Variants in RNF17 observed in about 807,000 individuals in gnomAD.
RNF17 encodes ring finger protein 17.
A neutral mutation model predicts 200.5 loss-of-function variants in RNF17; 31 were observed. That is an observed-to-expected ratio of 0.15 (90% CI 0.12 to 0.21). The LOEUF (loss-of-function observed/expected upper bound fraction) is 0.21, where lower values mean the gene tolerates loss of function less well. Ranked by LOEUF, RNF17 falls within the 10% of genes least tolerant of loss-of-function variation. The pLI, the probability that RNF17 is intolerant of heterozygous loss-of-function variation, is 1.00. For synonymous variants in RNF17, 606 were observed against 637.8 expected (o/e 0.95, Z 0.75); for missense variants, 1,628 against 1,905.1 (o/e 0.85, Z 2.71).
At chr13:24,884,083 T>A (rs121434311), downstream of RNF17, 2 of 1,578,322 alleles carry the variant, frequency 1.3e-6, no homozygotes, top group Admixed American at 1.8e-5. Flanking sequence ...GTAATGTTTT[T>A]CTGTTTAAAA....
the RNF17 span, among the ~76,000 whole-genome samples, chr13:24,748,639 A>C: frequency 6.6e-6 from 1 of 152,254 alleles, no homozygotes; most frequent in African/African-American, 2.4e-5. Context: ...GATACAGGAT[A>C]AAACATATCC....
In RNF17 at chr13:24,874,265, C is replaced by T. The variant is rs749017473; in HGVS notation, c.4583+16C>T. 9.1e-5 allele frequency: 140 copies of T among 1,545,458 alleles called. No individual in the cohort carries two copies. The highest frequency in any genetic ancestry group is 5.4e-4 in the Admixed American group (24 of 44,302). On this transcript the variant is annotated intron_variant, in intron 33 of 35. Coordinates refer to ENST00000255324, the MANE Select transcript of RNF17 (RefSeq NM_031277.3). ...CATTAAACAGGTTAAAAATAAATGTCGGGGTGTTGAATTAGATTTCTTTTT... is the reference window on the plus strand; with the variant it reads ...CATTAAACAGGTTAAAAATAAATGTTGGGGTGTTGAATTAGATTTCTTTTT...
At chr13:24,751,439 C>T in the RNF17 span, 62 of 151,848 alleles carry the variant, frequency 4.1e-4, no homozygotes, top group African/African-American at 1.4e-3. Flanking sequence ...GATGTTTATA[C>T]GTCCTTTCTT....
At position 24,778,235 on chromosome 13, in the gene RNF17, C is replaced by G. The variant is rs969924040; in HGVS notation, c.318-60C>G. The G allele has an allele frequency of 1.7e-5, 20 of 1,166,874 alleles. No individual in the cohort carries two copies. The African/African-American group carries it at 3.1e-4, about 18-fold the overall frequency. 72.3% of individuals were successfully genotyped at this position (1,166,874 alleles called of 1,614,324 possible). A position where few individuals can be genotyped will look rare whatever the true frequency, so the allele number is the denominator to read the frequency against. ...CATGATGGTGCCACTGCACTCTGGC[C>G]TGGGTGACAGAGAAAGATCCTGTCA... is the stretch of plus-strand genomic sequence containing the variant. On this transcript the variant is annotated intron_variant, in intron 3 of 35. Transcript: ENST00000255324.
At chr13:24,830,394 A>G in intron 16 of RNF17, 90 bp from the exon 17 acceptor site, 1 of 716,352 alleles carries the variant, frequency 1.4e-6, no homozygotes, top group Non-Finnish European at 2.4e-6. Context: ...AGCTAAAAGT[A>G]TTCTAATCTA....
At chr13:24,823,685 G>C (rs1486793568) in intron 15 of RNF17, among the ~76,000 whole-genome samples, 1 of 152,152 alleles carries the variant, frequency 6.6e-6, no homozygotes, top group Admixed American at 6.5e-5. Flanking sequence ...TTCTGGGCAT[G>C]CATCTTGTCA....
rs149254007 is a variant in RNF17 at position 24,825,662 on chromosome 13, A to T, written c.2135A>T (p.Glu712Val). Residue 712 changes from glutamate to valine, a missense_variant, in exon 16 of 36, where the codon GAA becomes GTA. Glu to Val is a moderately radical substitution (Grantham distance 121, BLOSUM62 -2). Around this residue, in one of 5 missense-constraint regions of RNF17, gnomAD observed 289 missense variants for 384.9 expected, o/e 0.75. Coordinates refer to ENST00000255324, the MANE Select transcript of RNF17 (RefSeq NM_031277.3). ...TTATTTCTATTAAAGACAATCGAGGAATTCTATAAAAGTGAAGATGGAGAA... is the reference window on the plus strand; with the variant it reads ...TTATTTCTATTAAAGACAATCGAGGTATTCTATAAAAGTGAAGATGGAGAA... ...DILFLLKTIEEFYKSEDGENL... is the reference protein window; with the variant it reads ...DILFLLKTIEVFYKSEDGENL... 7 of 1,606,058 alleles carry T rather than the reference A, an allele frequency of 4.4e-6. No individual in the cohort carries two copies. The Middle Eastern group carries it at 6.6e-4, about 151-fold the overall frequency.
At position 24,782,357 on chromosome 13, in the gene RNF17, TTTG is replaced by T. The variant is rs573842534; in HGVS notation, c.611+425_611+427del. Among the ~76,000 whole-genome samples the T allele has an allele frequency of 4.2e-4, 64 of 152,098 alleles. No individual in the cohort carries two copies. In the East Asian group the frequency reaches 8.1e-3, roughly 19 times the overall value. On this transcript the variant is annotated intron_variant, in intron 6 of 35. Coordinates refer to ENST00000255324, the MANE Select transcript of RNF17 (RefSeq NM_031277.3). Reference sequence around the variant, plus strand: ...CATCCAGCTAATTTTGTGTTTTTTTTTTGTTGTTGTTGTTTTGTTTTCCGAGAC... The same window carrying T: ...CATCCAGCTAATTTTGTGTTTTTTTTTTGTTGTTGTTTTGTTTTCCGAGAC...
intron 15 of RNF17, among the ~76,000 whole-genome samples, chr13:24,819,397 G>A (rs573798261): frequency 5.1e-4 from 78 of 152,128 alleles, no homozygotes; most frequent in African/African-American, 1.8e-3. Context: ...TTCTTTGTAT[G>A]TATATACTGC....
intron 15 of RNF17, among the ~76,000 whole-genome samples, chr13:24,821,284 A>G (rs1247246626): frequency 6.6e-6 from 1 of 152,196 alleles, no homozygotes; most frequent in East Asian, 1.9e-4. Context: ...AAGAACCTGT[A>G]TCGAAATTAG....
chr13:24,813,844 T>A (rs1363039023), intron 15 of RNF17, among the ~76,000 whole-genome samples: 4 of 104,612 alleles, frequency 3.8e-5, no homozygotes, highest in South Asian at 3.7e-4. Context: ...TTTTTTTTTT[T>A]AGAGACAGGT....
chr13:24,868,549 A>G lies in RNF17; in HGVS notation c.4162-51A>G, dbSNP rs375049084. On this transcript the variant is annotated intron_variant, in intron 30 of 35. Coordinates refer to ENST00000255324, the MANE Select transcript of RNF17 (RefSeq NM_031277.3). ...GCACCATCATGAATTTTTATAATGTAATAGATTTTTGTCCTTATTCTGAAA... is the reference window on the plus strand; with the variant it reads ...GCACCATCATGAATTTTTATAATGTGATAGATTTTTGTCCTTATTCTGAAA... 1.0e-4 allele frequency: 81 copies of G among 810,136 alleles called. No homozygotes were observed. In the African/African-American group the frequency reaches 1.1e-3, roughly 11 times the overall value. 50.2% of individuals were successfully genotyped at this position (810,136 alleles called of 1,614,324 possible).
chr13:24,763,512 G>A (rs770969347), upstream of RNF17, among the ~76,000 whole-genome samples: 4 of 151,774 alleles, frequency 2.6e-5, no homozygotes, highest in South Asian at 2.1e-4. Context: ...CCACCGCGCC[G>A]GGCCCAGAAG....
intron 15 of RNF17, among the ~76,000 whole-genome samples, chr13:24,824,583 AC>A (rs1888429945): frequency 6.6e-6 from 1 of 152,180 alleles, no homozygotes; most frequent in Non-Finnish European, 1.5e-5. Flanking sequence ...AACTTTAGAA[AC>A]TTTTTTGATT....
chr13:24,828,122 A>G (rs181702029), intron 16 of RNF17, among the ~76,000 whole-genome samples: 34 of 152,328 alleles, frequency 2.2e-4, no homozygotes, highest in Non-Finnish European at 3.8e-4. Flanking sequence ...GGACTTTGCA[A>G]TTGCTTTTCA....
At chr13:24,861,953 T>TA (rs1893142917) in intron 27 of RNF17, among the ~76,000 whole-genome samples, 1 of 152,176 alleles carries the variant, frequency 6.6e-6, no homozygotes, top group Non-Finnish European at 1.5e-5. Flanking sequence ...TTAGGAAACT[T>TA]ACAGTTGTGG....
chr13:24,789,496 C>G (rs1175100401), intron 8 of RNF17, 72 bp downstream of exon 8: 1 of 1,138,132 alleles, frequency 8.8e-7, no homozygotes, highest in Non-Finnish European at 1.3e-6. Flanking sequence ...ATTAAAATAG[C>G]AAGTAATAAT....
intron 9 of RNF17, among the ~76,000 whole-genome samples, chr13:24,790,950 C>T (rs1183270861): frequency 6.6e-6 from 1 of 152,146 alleles, no homozygotes; most frequent in African/African-American, 2.4e-5. Context: ...TTAATGTCAC[C>T]ACAATGGGAA....
chr13:24,759,079 CAAAAAAAAAA>C, the RNF17 span, among the ~76,000 whole-genome samples: 4 of 65,368 alleles, frequency 6.1e-5, no homozygotes, highest in Non-Finnish European at 1.1e-4. Context: ...ACTGTGTCTC[CAAAAAAAAAA>C]AAAAAAAAAA....
Sources: allele counts gnomAD v4.1 joint callset (sites outside exome capture counted in the v4.1 genomes callset), GRCh38; gene constraint gnomAD v4.1.1; regional missense constraint gnomAD v4.1.1; transcripts MANE v1.5; gene names NCBI Gene and HGNC (gene_info 2026-07-23, HGNC 2026-07-21).